The following ZDHHC15 variants were observed in gnomAD, a reference collection of about 807,000 sequenced individuals.
The protein encoded by ZDHHC15 is palmitoyltransferase ZDHHC15.
In ZDHHC15, 19 loss-of-function variants were observed where a neutral mutation model predicts 31.7. That is an observed-to-expected ratio of 0.60 (90% CI 0.42 to 0.88). ZDHHC15 has a LOEUF of 0.88. Among genes scored for constraint, ZDHHC15 ranks in the 40% least tolerant of loss-of-function variants. ZDHHC15 has a pLI of 0.00. For synonymous variants in ZDHHC15, 103 were observed against 90.0 expected (o/e 1.14, Z -0.82); for missense variants, 209 against 251.2 (o/e 0.83, Z 1.14).
chrX:75,463,575 T>TACAACAACAACA (rs55847003), intron 3 of ZDHHC15, among the ~76,000 whole-genome samples: 1,685 of 100,717 alleles, frequency 0.017, 13 homozygotes, highest in Admixed American at 0.023. Flanking sequence ...AACTCAAATT[T>TACAACAACAACA]ACAACAACAA....
chrX:75,464,048 A>G (rs927712110), intron 3 of ZDHHC15, among the ~76,000 whole-genome samples: 1 of 112,101 alleles, frequency 8.9e-6, no homozygotes, highest in African/African-American at 3.2e-5. Context: ...ATGTCCAACA[A>G]TGATAGACTG....
At chrX:75,472,122 G>A (rs970811294) in intron 3 of ZDHHC15, among the ~76,000 whole-genome samples, 1 of 111,747 alleles carries the variant, frequency 8.9e-6, no homozygotes, top group Non-Finnish European at 1.9e-5. Context: ...GAAGGCACAA[G>A]TTACATGACA....
intron 4 of ZDHHC15, among the ~76,000 whole-genome samples, chrX:75,450,308 T>C (rs1214050933): frequency 9.0e-6 from 1 of 111,678 alleles, no homozygotes; most frequent in Non-Finnish European, 1.9e-5. Flanking sequence ...AAATGAGGCA[T>C]GACAGAACTT....
intron 1 of ZDHHC15, among the ~76,000 whole-genome samples, chrX:75,507,755 C>T (rs186211629): frequency 9.0e-6 from 1 of 111,554 alleles, no homozygotes; most frequent in Admixed American, 9.6e-5. Flanking sequence ...TTTGCACTGT[C>T]TCTCCTTTTT....
chrX:75,444,309 T>G (rs1427138376), intron 4 of ZDHHC15, among the ~76,000 whole-genome samples: 1 of 108,794 alleles, frequency 9.2e-6, no homozygotes, highest in Non-Finnish European at 1.9e-5. Flanking sequence ...TGAGTTCATG[T>G]CCTTTGTAGG....
intron 4 of ZDHHC15, among the ~76,000 whole-genome samples, chrX:75,433,430 C>A (rs925163173): frequency 1.8e-5 from 2 of 109,989 alleles, no homozygotes; most frequent in African/African-American, 3.3e-5. Flanking sequence ...CCCTTGCCAC[C>A]CCCTACCCTT....
intron 2 of ZDHHC15, among the ~76,000 whole-genome samples, chrX:75,489,602 A>T (rs1349928427): frequency 3.6e-5 from 4 of 111,850 alleles, no homozygotes; most frequent in African/African-American, 1.3e-4. Context: ...CATCACCATC[A>T]TCAAAGACCA....
intron 3 of ZDHHC15, among the ~76,000 whole-genome samples, chrX:75,458,675 T>C (rs1436651878): frequency 9.1e-6 from 1 of 110,366 alleles, no homozygotes; most frequent in Non-Finnish European, 1.9e-5. Context: ...CATTTTTGGC[T>C]ATTACAATGA....
intron 4 of ZDHHC15, among the ~76,000 whole-genome samples, chrX:75,449,420 T>C (rs2084083756): frequency 9.0e-6 from 1 of 111,518 alleles, no homozygotes; most frequent in Non-Finnish European, 1.9e-5. Context: ...GTAGCAAAGG[T>C]ACCGTGGTAA....
At chrX:75,515,820 T>C (rs2085347181) in intron 1 of ZDHHC15, among the ~76,000 whole-genome samples, 1 of 111,798 alleles carries the variant, frequency 8.9e-6, no homozygotes, top group African/African-American at 3.3e-5. Context: ...GATATGATTG[T>C]ATATTTAGAA....
intron 10 of ZDHHC15, chrX:75,384,833 T>A: frequency 1.6e-6 from 1 of 620,577 alleles, no homozygotes; most frequent in Non-Finnish European, 2.7e-6. Context: ...GCATAATAGG[T>A]GTTAAAAAAT....
At chrX:75,376,542 A>AT (rs2083062548) in intron 11 of ZDHHC15, among the ~76,000 whole-genome samples, 1 of 111,470 alleles carries the variant, frequency 9.0e-6, no homozygotes, top group South Asian at 3.7e-4. Context: ...GAAGTCTTAC[A>AT]TTTAAGTCTT....
At position 75,369,708 on chromosome X, in the gene ZDHHC15, A is replaced by G. The variant is rs1292806112; in HGVS notation, c.*3270T>C. The G allele has an allele frequency of 8.9e-6, 1 of 111,836 alleles. No individual in the cohort carries two copies. Among genetic ancestry groups the G allele is most frequent in the Non-Finnish European group, 1.9e-5 (1 of 53,197 alleles). 9.2% of individuals were successfully genotyped at this position (111,836 alleles called of 1,213,427 possible). On this transcript the variant is annotated 3_prime_UTR_variant, in exon 12 of 12. Coordinates refer to ENST00000373367, the MANE Select transcript of ZDHHC15 (RefSeq NM_144969.3). ...AGTAGGGGAAAGAGGCACATATTGC[A>G]TTCTTATCACATAGAAAGTAAGAGT...
intron 1 of ZDHHC15, among the ~76,000 whole-genome samples, chrX:75,520,906 T>C (rs768581959): frequency 2.7e-5 from 3 of 111,118 alleles, no homozygotes; most frequent in Non-Finnish European, 5.7e-5. Flanking sequence ...TAGGAAATTA[T>C]AGAATTAGAA....
At chrX:75,461,225 C>A (rs1201493300) in intron 3 of ZDHHC15, among the ~76,000 whole-genome samples, 1 of 111,195 alleles carries the variant, frequency 9.0e-6, no homozygotes, top group Non-Finnish European at 1.9e-5. Context: ...ATAAGACAGA[C>A]AAGAATAGAG....
At chrX:75,457,911 T>C (rs1457070615) in intron 3 of ZDHHC15, among the ~76,000 whole-genome samples, 1 of 111,655 alleles carries the variant, frequency 9.0e-6, no homozygotes, top group African/African-American at 3.3e-5. Context: ...GCAAATACCA[T>C]GCCATTTCAT....
At chrX:75,494,137 T>C (rs1321803596) in intron 2 of ZDHHC15, among the ~76,000 whole-genome samples, 4 of 110,839 alleles carry the variant, frequency 3.6e-5, no homozygotes, top group Non-Finnish European at 5.7e-5. Flanking sequence ...TATACACCAA[T>C]AACAGACAAA....
intron 10 of ZDHHC15, among the ~76,000 whole-genome samples, chrX:75,388,943 G>T (rs923369025): frequency 4.5e-5 from 5 of 111,789 alleles, no homozygotes; most frequent in Non-Finnish European, 9.4e-5. Context: ...TTTAAGGAAA[G>T]AGGCACTGAA....
chrX:75,431,371 A>AT, intron 5 of ZDHHC15, 80 bp downstream of exon 5: 6 of 945,636 alleles, frequency 6.3e-6, no homozygotes, highest in Non-Finnish European at 7.4e-6. Context: ...GTATGATTAC[A>AT]TGTTAGGATC....
Sources: gnomAD v4.1 joint callset for allele counts (sites outside exome capture counted in the v4.1 genomes callset) on GRCh38, gnomAD v4.1.1 for gene constraint, MANE v1.5 for transcripts, NCBI Gene and HGNC (gene_info 2026-07-23, HGNC 2026-07-21) for gene names.